Variants in FAS observed in about 807,000 individuals in gnomAD.
The protein encoded by FAS is Fas cell surface death receptor.
In FAS, 5 loss-of-function variants were observed where a neutral mutation model predicts 33.2. The ratio of observed to expected loss-of-function variants is 0.15; its 90% confidence interval spans 0.08 to 0.32. FAS has a LOEUF of 0.32. Among genes scored for constraint, FAS ranks in the 10% least tolerant of loss-of-function variants. The pLI is 1.00. For synonymous variants in FAS, 131 were observed against 130.7 expected, an observed-to-expected ratio of 1.00 and a Z score of -0.01; for missense variants, 339 against 386.0, an observed-to-expected ratio of 0.88 and a Z score of 1.02.
chr10:89,009,296 G>A lies in FAS; in HGVS notation c.443+299G>A, dbSNP rs1926190. The stretch of plus-strand genomic sequence containing the variant: ...ATTGTGTTTCAACAGCATGAGAATA[G>A]CATCAGAAGAGACTTATGTTCCAGG... On this transcript the variant is annotated intron_variant, in intron 4 of 8. Coordinates refer to ENST00000652046, the MANE Select transcript of FAS (RefSeq NM_000043.6). 0.02 allele frequency among the ~76,000 whole-genome samples: 3,060 copies of A among 152,312 alleles called. 90 individuals carry two copies. Among genetic ancestry groups the A allele is most frequent in the African/African-American group, 0.069 (2,882 of 41,552 alleles).
chr10:88,970,874 AGTGTGT>A (rs72431070), intron 1 of FAS, among the ~76,000 whole-genome samples: 23 of 151,362 alleles, frequency 1.5e-4, no homozygotes, highest in East Asian at 5.8e-4. Context: ...ATAATAAAAA[AGTGTGT>A]GTGTGTGTGT....
chr10:88,989,172 T>C (rs893158899), upstream of FAS, among the ~76,000 whole-genome samples: 1 of 152,152 alleles, frequency 6.6e-6, no homozygotes, highest in Admixed American at 6.6e-5. Context: ...TAATGATAAG[T>C]ATTAAGTAAG....
intron 2 of FAS, among the ~76,000 whole-genome samples, chr10:88,978,300 G>A (rs1468614435): frequency 9.5e-5 from 14 of 147,824 alleles, no homozygotes; most frequent in East Asian, 6.0e-4. Flanking sequence ...CCTAATGCTA[G>A]ATGACGAGTT....
chr10:89,010,665 C>T, intron 5 of FAS, 65 bp downstream of exon 5: 1 of 1,606,072 alleles, frequency 6.2e-7, no homozygotes, highest in Non-Finnish European at 8.5e-7. Flanking sequence ...TGAAGAAAAA[C>T]CAATCACTCT....
intron 2 of FAS, among the ~76,000 whole-genome samples, chr10:89,004,135 A>G (rs1848088427): frequency 6.6e-6 from 1 of 152,204 alleles, no homozygotes; most frequent in African/African-American, 2.4e-5. Context: ...AAACACAATC[A>G]ATTTGCTCTA....
At chr10:88,964,232 A>G (rs1431565477) in intron 1 of FAS, among the ~76,000 whole-genome samples, 1 of 152,186 alleles carries the variant, frequency 6.6e-6, no homozygotes, top group Non-Finnish European at 1.5e-5. Context: ...CTGCAAAAAA[A>G]GGCAGATGAA....
intron 2 of FAS, among the ~76,000 whole-genome samples, chr10:88,977,897 GGGTATAT>G (rs1846608661): frequency 6.2e-5 from 5 of 80,414 alleles, no homozygotes; most frequent in African/African-American, 2.0e-4. Flanking sequence ...TCCCATTACT[GGGTATAT>G]ACCCAAAGGA....
chr10:88,988,382 A>G (rs1353182116), upstream of FAS, among the ~76,000 whole-genome samples: 1 of 151,950 alleles, frequency 6.6e-6, no homozygotes, highest in African/African-American at 2.4e-5. Flanking sequence ...AAAGGGGAAA[A>G]GAACAAAAGT....
chr10:88,979,980 T>G (rs1846669724), intron 2 of FAS, among the ~76,000 whole-genome samples: 1 of 152,242 alleles, frequency 6.6e-6, no homozygotes, highest in Non-Finnish European at 1.5e-5. Context: ...GCTTGACAGA[T>G]GCAGAAAAAG....
At chr10:88,989,631 G>A (rs200783094), upstream of FAS, 5 of 520,498 alleles carry the variant, frequency 9.6e-6, no homozygotes, top group Admixed American at 4.0e-5. Flanking sequence ...CCCTCAGGAG[G>A]GTAACCTAAC....
At position 89,010,733 on chromosome 10, in the gene FAS, T is replaced by C; in HGVS notation, c.506-20T>C. 6.2e-7 allele frequency: 1 copy of C among 1,613,966 alleles called. No individual in the cohort carries two copies. Among genetic ancestry groups the C allele is most frequent in the South Asian group, 1.1e-5 (1 of 91,076 alleles). ...AGATTGCTTATTTTCATATAAAATGTCCAATGTTCCAACCTACAGGATCCA... is the reference window on the plus strand; with the variant it reads ...AGATTGCTTATTTTCATATAAAATGCCCAATGTTCCAACCTACAGGATCCA... On this transcript the variant is annotated intron_variant, in intron 5 of 8. Coordinates refer to ENST00000652046, the MANE Select transcript of FAS (RefSeq NM_000043.6).
intron 2 of FAS, among the ~76,000 whole-genome samples, chr10:88,979,392 C>T (rs904005199): frequency 5.9e-5 from 9 of 152,106 alleles, no homozygotes; most frequent in African/African-American, 1.2e-4. Context: ...CAAAGAGAGA[C>T]GTTCACAAGG....
chr10:88,979,244 T>A (rs1030781330), intron 2 of FAS, among the ~76,000 whole-genome samples: 2 of 151,176 alleles, frequency 1.3e-5, no homozygotes, highest in African/African-American at 4.9e-5. Context: ...GGGAAGAAAG[T>A]GAGTACTGAG....
rs995042055 is a variant in FAS at position 89,014,574 on chromosome 10, G to A, written c.*124G>A. On this transcript the variant is annotated 3_prime_UTR_variant, in exon 9 of 9. Coordinates refer to ENST00000652046, the MANE Select transcript of FAS (RefSeq NM_000043.6). ...CATTTTATCATTTATTAGCGCTGAA[G>A]AGCCAACATATTTGTAGATTTTTAA... 3.3e-6 allele frequency: 3 copies of A among 902,100 alleles called. No individual in the cohort carries two copies. The highest frequency in any genetic ancestry group is 1.4e-5 in the South Asian group (1 of 71,024). 55.9% of individuals were successfully genotyped at this position (902,100 alleles called of 1,614,324 possible). A position where few individuals can be genotyped will look rare whatever the true frequency, so the allele number is the denominator to read the frequency against.
intron 1 of FAS, among the ~76,000 whole-genome samples, chr10:88,968,544 G>T (rs920992586): frequency 6.6e-6 from 1 of 152,104 alleles, no homozygotes; most frequent in African/African-American, 2.4e-5. Context: ...CATGTTTGTC[G>T]GTAGAGTACT....
intron 1 of FAS, among the ~76,000 whole-genome samples, chr10:88,997,507 TACC>T (rs1422864986): frequency 1.3e-5 from 2 of 152,206 alleles, no homozygotes; most frequent in African/African-American, 2.4e-5. Context: ...GGGATAAGAT[TACC>T]ATGTGTATTT....
At chr10:88,996,686 A>G (rs1357527271) in intron 1 of FAS, among the ~76,000 whole-genome samples, 1 of 152,238 alleles carries the variant, frequency 6.6e-6, no homozygotes, top group Non-Finnish European at 1.5e-5. Flanking sequence ...CTTCCAAAAT[A>G]TGTACATAAT....
At chr10:89,006,090 T>G (rs1396110415) in intron 2 of FAS, among the ~76,000 whole-genome samples, 4 of 152,246 alleles carry the variant, frequency 2.6e-5, no homozygotes, top group African/African-American at 9.6e-5. Flanking sequence ...TTTTCATACT[T>G]TGGAGGAACG....
Position 89,010,584 on chromosome 10 carries a change from C to G in FAS, c.489C>G (p.Thr163=), listed in dbSNP as rs751048679. The G allele has an allele frequency of 6.2e-6, 10 of 1,613,680 alleles. No individual in the cohort carries two copies. Among genetic ancestry groups the G allele is most frequent in the Non-Finnish European group, 7.6e-6 (9 of 1,179,856 alleles). The change falls in exon 5 of 9, where the codon ACC becomes ACG. Residue 163 remains threonine, a synonymous_variant. Coordinates refer to ENST00000652046, the MANE Select transcript of FAS (RefSeq NM_000043.6). The part of the protein sequence containing the change: ...IIKECTLTSN[T]KCKEEGSRSN... ...AGGAATGCACACTCACCAGCAACAC[C>G]AAGTGCAAAGAGGAAGGTAATTATT... is the stretch of plus-strand genomic sequence containing the variant.
Sources: allele counts gnomAD v4.1 joint callset (sites outside exome capture counted in the v4.1 genomes callset), GRCh38; gene constraint gnomAD v4.1.1; transcripts MANE v1.5; gene names NCBI Gene and HGNC (gene_info 2026-07-23, HGNC 2026-07-21).